The following KLHL20 variants were observed in gnomAD, a reference collection of about 807,000 sequenced individuals.
KLHL20 encodes the protein kelch-like protein 20.
In KLHL20, 29 loss-of-function variants were observed where a neutral mutation model predicts 69.5. The ratio of observed to expected loss-of-function variants is 0.42; its 90% confidence interval spans 0.31 to 0.57. The LOEUF (loss-of-function observed/expected upper bound fraction) is 0.57, where lower values mean the gene tolerates loss of function less well. Among genes scored for constraint, KLHL20 ranks in the 20% least tolerant of loss-of-function variants. The pLI is 0.18. For synonymous variants in KLHL20, 253 were observed against 265.2 expected (o/e 0.95, Z 0.45); for missense variants, 419 against 776.0 (o/e 0.54, Z 5.47).
rs1362184563 is a variant in KLHL20, at chr1:173,750,593, C to G, written c.598-1171C>G. 4.0e-5 allele frequency among the ~76,000 whole-genome samples: 6 copies of G among 151,318 alleles called. No homozygotes were observed. The East Asian group carries it at 1.2e-3, about 30-fold the overall frequency. ...CTCTGTCTCCCGCGTTCAAGTGATT[C>G]TCCTGCCTCAGGGTTTCACCATGTT... On this transcript the variant is annotated intron_variant, in intron 3 of 11. Coordinates refer to ENST00000209884, the MANE Select transcript of KLHL20 (RefSeq NM_014458.4).
At chr1:173,773,237 G>T (rs1296118969) in intron 8 of KLHL20, among the ~76,000 whole-genome samples, 1 of 151,022 alleles carries the variant, frequency 6.6e-6, no homozygotes, top group Non-Finnish European at 1.5e-5. Context: ...CTTCCAGAGT[G>T]CTGGGATTAC....
chr1:173,726,637 A>G (rs776539898), intron 2 of KLHL20, among the ~76,000 whole-genome samples: 1 of 152,212 alleles, frequency 6.6e-6, no homozygotes, highest in Non-Finnish European at 1.5e-5. Context: ...CCTGGCAAAC[A>G]GCCTCTGGAG....
intron 7 of KLHL20, among the ~76,000 whole-genome samples, chr1:173,764,824 TACTC>T (rs1396790080): frequency 6.6e-6 from 1 of 152,070 alleles, no homozygotes; most frequent in Non-Finnish European, 1.5e-5. Flanking sequence ...CTAAAGAACT[TACTC>T]ATGTAACCAA....
At chr1:173,768,095 A>G (rs1418379872) in intron 8 of KLHL20, among the ~76,000 whole-genome samples, 1 of 152,150 alleles carries the variant, frequency 6.6e-6, no homozygotes, top group Non-Finnish European at 1.5e-5. Flanking sequence ...GAATGACTCT[A>G]CTTAGACTTC....
At chr1:173,775,199 C>T (rs1648377889) in intron 9 of KLHL20, among the ~76,000 whole-genome samples, 1 of 144,826 alleles carries the variant, frequency 6.9e-6, no homozygotes, top group African/African-American at 2.9e-5. Context: ...TTCGTCACGT[C>T]TTGTCTTCTC....
chr1:173,723,969 A>G (rs1397893769), intron 2 of KLHL20, among the ~76,000 whole-genome samples: 2 of 152,152 alleles, frequency 1.3e-5, no homozygotes, highest in Admixed American at 6.5e-5. Flanking sequence ...CATATACTTC[A>G]TAGATTTTGC....
Position 173,723,640 on chromosome 1 carries a change from T to C in KLHL20, c.23+7574T>C, listed in dbSNP as rs575691035. Among the ~76,000 whole-genome samples, 124 of 152,294 alleles carry C rather than the reference T, an allele frequency of 8.1e-4. 5 individuals carry two copies. In the South Asian group the frequency reaches 0.024, roughly 29 times the overall value. On this transcript the variant is annotated intron_variant, in intron 2 of 11. Transcript: ENST00000209884. Reference sequence around the variant, plus strand: ...GATGCTGTCCTTTGCAGGCTAGATATTAGACTCTCTCAGTAGTTGTAGATA... The same window carrying C: ...GATGCTGTCCTTTGCAGGCTAGATACTAGACTCTCTCAGTAGTTGTAGATA...
At chr1:173,777,084 T>C (rs750950308) in intron 10 of KLHL20, among the ~76,000 whole-genome samples, 81 of 152,348 alleles carry the variant, frequency 5.3e-4, no homozygotes, top group Non-Finnish European at 5.6e-4. Context: ...GTGTGTCCTC[T>C]TCAATTTCTT....
chr1:173,769,278 G>C (rs976769251), intron 8 of KLHL20, among the ~76,000 whole-genome samples: 2 of 152,042 alleles, frequency 1.3e-5, no homozygotes, highest in African/African-American at 2.4e-5. Flanking sequence ...GATGAGAAAG[G>C]GGGGATGAAG....
At chr1:173,725,268 C>G (rs1671902032) in intron 2 of KLHL20, among the ~76,000 whole-genome samples, 1 of 152,208 alleles carries the variant, frequency 6.6e-6, no homozygotes, top group South Asian at 2.1e-4. Context: ...TTCACAGTAC[C>G]TCAGGAGATG....
Position 173,742,703 on chromosome 1 carries a change from TATAC to T in KLHL20, c.597+8421_597+8424del, listed in dbSNP as rs201400312. Among the ~76,000 whole-genome samples the T allele has an allele frequency of 4.7e-3, 714 of 151,122 alleles. 5 individuals carry two copies. The highest frequency in any genetic ancestry group is 0.015 in the African/African-American group (623 of 41,330). On this transcript the variant is annotated intron_variant, in intron 3 of 11. Transcript: ENST00000209884. ...CATATATCGTATGTATATGTGTACA[TATAC>T]ATATGTACACATGTATGTATATACA...
chr1:173,776,762 C>G (rs1465238679), intron 10 of KLHL20, among the ~76,000 whole-genome samples: 4 of 152,136 alleles, frequency 2.6e-5, no homozygotes, highest in African/African-American at 4.8e-5. Flanking sequence ...GTTCTCCATT[C>G]TGTTCCATTG....
intron 3 of KLHL20, among the ~76,000 whole-genome samples, chr1:173,737,580 G>T (rs1672596034): frequency 6.6e-6 from 1 of 152,142 alleles, no homozygotes; most frequent in Admixed American, 6.5e-5. Context: ...ATTGGTCTAT[G>T]TACCTATTTT....
At chr1:173,729,460 A>G (rs1242452339) in intron 2 of KLHL20, among the ~76,000 whole-genome samples, 1 of 152,160 alleles carries the variant, frequency 6.6e-6, no homozygotes, top group Non-Finnish European at 1.5e-5. Flanking sequence ...TGAACATCAA[A>G]GCAAAACTTC....
chr1:173,751,839 G>A lies in KLHL20; in HGVS notation c.673G>A (p.Val225Ile), dbSNP rs745579592. Residue 225 changes from valine (V) to isoleucine (I), a missense_variant, in exon 4 of 12, where the codon GTT becomes ATT. By Grantham distance (29) the Val-to-Ile change is conservative (BLOSUM62 3). This residue lies in a region of KLHL20 where 99 missense variants were observed against 240.7 expected (regional missense o/e 0.41). Coordinates refer to ENST00000209884, the MANE Select transcript of KLHL20 (RefSeq NM_014458.4). The stretch of plus-strand genomic sequence containing the variant: ...TATAATATCCAGTGATGAGCTAAAC[G>A]TTCGCAGTGAAGAACAAGTGTTCAA... ...IDIISSDELN[V>I]RSEEQVFNAV... The A allele has an allele frequency of 6.8e-6, 11 of 1,613,996 alleles. No homozygotes were observed. Among genetic ancestry groups the A allele is most frequent in the South Asian group, 1.1e-5 (1 of 91,070 alleles).
intron 2 of KLHL20, among the ~76,000 whole-genome samples, chr1:173,719,791 A>G (rs1214323509): frequency 6.6e-6 from 1 of 152,222 alleles, no homozygotes; most frequent in African/African-American, 2.4e-5. Flanking sequence ...CATTTTATTA[A>G]GAGATACCAA....
chr1:173,731,937 C>G (rs1408146555), intron 2 of KLHL20, among the ~76,000 whole-genome samples: 1 of 151,972 alleles, frequency 6.6e-6, no homozygotes, highest in African/African-American at 2.4e-5. Context: ...GTGGCTCATA[C>G]CTGTAATCCC....
chr1:173,755,059 C>CTTTTTTTT (rs372616022), intron 5 of KLHL20, among the ~76,000 whole-genome samples: 4 of 133,542 alleles, frequency 3.0e-5, no homozygotes, highest in Non-Finnish European at 4.8e-5. Flanking sequence ...AAGTCTTTGT[C>CTTTTTTTT]TTTTTTTTTT....
chr1:173,779,172 T>C (rs998080573), intron 10 of KLHL20, among the ~76,000 whole-genome samples: 25 of 152,198 alleles, frequency 1.6e-4, no homozygotes, highest in South Asian at 1.0e-3. Flanking sequence ...CAAGAAACTT[T>C]TAATTTCTTC....
Sources: allele counts gnomAD v4.1 joint callset (sites outside exome capture counted in the v4.1 genomes callset), GRCh38; gene constraint gnomAD v4.1.1; regional missense constraint gnomAD v4.1.1; transcripts MANE v1.5; gene names NCBI Gene and HGNC (gene_info 2026-07-23, HGNC 2026-07-21).